Variants in ASPG observed in about 807,000 individuals in gnomAD.
ASPG encodes asparaginase, also known as 60 kDa lysophospholipase.
A neutral mutation model predicts 63.2 loss-of-function variants in ASPG; 53 were observed. The ratio of observed to expected loss-of-function variants is 0.84; its 90% CI spans 0.67 to 1.05. ASPG has a LOEUF of 1.05. Ranked by LOEUF, ASPG falls within the 50% of genes least tolerant of loss-of-function variation. The pLI is 0.00. For missense variants in ASPG, 741 were observed against 794.4 expected (o/e 0.93, Z 0.81); for synonymous variants, 370 against 355.0 (o/e 1.04, Z -0.48).
chr14:104,095,721 C>T, intron 4 of ASPG, 65 bp downstream of exon 4: 1 of 1,597,678 alleles, frequency 6.3e-7, no homozygotes, highest in East Asian at 2.2e-5. Context: ...CAAGTCAGCG[C>T]TGTGGGCGGC....
At position 104,112,842 on chromosome 14, in the gene ASPG, C is replaced by T. The variant is rs976930486; in HGVS notation, c.*298C>T. 18 of 504,212 alleles carry T rather than the reference C, an allele frequency of 3.6e-5. No individual in the cohort carries two copies. Among genetic ancestry groups the T allele is most frequent in the African/African-American group, 5.8e-5 (3 of 51,442 alleles). 31.2% of individuals were successfully genotyped at this position (504,212 alleles called of 1,614,324 possible). A position where few individuals can be genotyped will look rare whatever the true frequency, so the allele number is the denominator to read the frequency against. ...GCCCATCCTTCCGGGGGCAGCTGTG[C>T]GTGTGAGCTGGGCAGGGTGGGGTGC... is the stretch of plus-strand genomic sequence containing the variant. On this transcript the variant is annotated 3_prime_UTR_variant, in exon 16 of 16. Transcript: ENST00000551177.
Position 104,098,995 on chromosome 14 carries a change from G to T in ASPG, c.640+16G>T. Reference sequence around the variant, plus strand: ...GACATCACAAGTAAGCCCCGCAGGAGCAGGGCCAGGTGCCTGCCCAGTGCT... The same window carrying T: ...GACATCACAAGTAAGCCCCGCAGGATCAGGGCCAGGTGCCTGCCCAGTGCT... On this transcript the variant is annotated intron_variant, in intron 6 of 15. Coordinates refer to ENST00000551177, the MANE Select transcript of ASPG (RefSeq NM_001080464.3). The T allele has an allele frequency of 6.4e-7, 1 of 1,572,550 alleles. No homozygotes were observed. The highest frequency in any genetic ancestry group is 8.6e-7 in the Non-Finnish European group (1 of 1,158,272).
intron 11 of ASPG, 92 bp from the exon 12 acceptor site, chr14:104,107,090 G>A: frequency 1.4e-6 from 2 of 1,465,516 alleles, no homozygotes; most frequent in Non-Finnish European, 1.8e-6. Flanking sequence ...GCTGTGCTGG[G>A]CCCTACCCTC....
chr14:104,093,746 A>T, intron 3 of ASPG, 144 bp downstream of exon 3: 9 of 119,522 alleles, frequency 7.5e-5, no homozygotes, highest in Non-Finnish European at 9.9e-5. Flanking sequence ...ACGGGTGGGA[A>T]TGGGGAGTGT....
intron 6 of ASPG, 70 bp from the exon 7 acceptor site, chr14:104,103,493 C>G (rs2036973523): frequency 7.3e-7 from 1 of 1,373,972 alleles, no homozygotes; most frequent in Non-Finnish European, 1.0e-6. Flanking sequence ...TGCAGAGGGC[C>G]AGGCACTGGG....
chr14:104,098,431 C>G (rs2036723457), intron 5 of ASPG, among the ~76,000 whole-genome samples: 1 of 152,206 alleles, frequency 6.6e-6, no homozygotes, highest in African/African-American at 2.4e-5. Context: ...CACACGGGCT[C>G]CTGAGCAGGG....
rs1037660073 is a variant in ASPG at position 104,092,846 on chromosome 14, C to T, written c.191+105C>T. The T allele has an allele frequency of 3.2e-6, 3 of 936,748 alleles. No individual in the cohort carries two copies. In the African/African-American group the frequency reaches 4.9e-5, roughly 15 times the overall value. The allele number at this position is 936,748 out of a possible 1,614,324, so 58.0% of individuals were successfully genotyped here. On this transcript the variant is annotated intron_variant, in intron 2 of 15. Coordinates refer to ENST00000551177, the MANE Select transcript of ASPG (RefSeq NM_001080464.3). ...AGGCCCACGTGAGCCATTTGCTCAC[C>T]CCTGTCTCTAACATCCCCTCAGCTT... is the stretch of plus-strand genomic sequence containing the variant.
Position 104,114,422 on chromosome 14 carries a change from TCCCCTCCAAAC to T in ASPG, c.*1881_*1891del. The T allele has an allele frequency of 6.6e-6, 1 of 152,220 alleles. No individual in the cohort carries two copies. 9.4% of individuals were successfully genotyped at this position (152,220 alleles called of 1,614,324 possible). ...TGGGCAGCCAGACCCCCATTGTCAG[TCCCCTCCAAAC>T]CCTCGTGGGATGTAGGGCCCTACCA... On this transcript the variant is annotated 3_prime_UTR_variant, in exon 16 of 16. Transcript: ENST00000551177.
rs139472533 is a variant in ASPG, at chr14:104,091,458, C to T, written c.83-1175C>T. Among the ~76,000 whole-genome samples, 29 of 152,280 alleles carry T rather than the reference C, an allele frequency of 1.9e-4. No homozygotes were observed. In the South Asian group the frequency reaches 5.6e-3, roughly 29 times the overall value. On this transcript the variant is annotated intron_variant, in intron 1 of 15. Transcript: ENST00000551177. The surrounding 1 kb of genome is among the most constrained non-coding windows in gnomAD (Gnocchi z 6.4). ...ATTTTGTCAGCGGCTGCACCTCAGC[C>T]GGCCTGCATCTTCCAGTCCTCTGGC...
At position 104,109,544 on chromosome 14, in the gene ASPG, A is replaced by G. The variant is rs1172688871; in HGVS notation, c.1520+229A>G. ...TTCTCAGCTGAGCGAACAGTCCAGCAAGGGTGTCTCTGTGTGCACATGTGT... is the reference window on the plus strand; with the variant it reads ...TTCTCAGCTGAGCGAACAGTCCAGCGAGGGTGTCTCTGTGTGCACATGTGT... On this transcript the variant is annotated intron_variant, in intron 13 of 15. Coordinates refer to ENST00000551177, the MANE Select transcript of ASPG (RefSeq NM_001080464.3). This position sits in a 1 kb window ranked among gnomAD's most constrained non-coding sequence, Gnocchi z 4.8. Among the ~76,000 whole-genome samples the G allele has an allele frequency of 6.6e-6, 1 of 151,920 alleles. No homozygotes were observed. Among genetic ancestry groups the G allele is most frequent in the Non-Finnish European group, 1.5e-5 (1 of 67,980 alleles).
chr14:104,092,635 C>G lies in ASPG; in HGVS notation c.85C>G (p.Leu29Val). ...TIGMRSELGV[L>V]VPGTGLAAIL... ...ATCCACCTGGACTCTGCCTGCAGTG[C>G]TTGTGCCCGGGACGGGCCTGGCTGC... Residue 29 changes from leucine (L) to valine (V), a missense_variant and splice_region_variant, in exon 2 of 16, where the codon CTT becomes GTT. By Grantham distance (32) the Leu-to-Val change is conservative. Coordinates refer to ENST00000551177, the MANE Select transcript of ASPG (RefSeq NM_001080464.3). 1 of 1,535,154 alleles carries G rather than the reference C, an allele frequency of 6.5e-7. No homozygotes were observed. Among genetic ancestry groups the G allele is most frequent in the Non-Finnish European group, 8.7e-7 (1 of 1,146,812 alleles).
In ASPG at chr14:104,091,380, CAT is replaced by C. The variant is rs373608265; in HGVS notation, c.83-1252_83-1251del. Among the ~76,000 whole-genome samples, 68 of 152,276 alleles carry C rather than the reference CAT, an allele frequency of 4.5e-4. No homozygotes were observed. The highest frequency in any genetic ancestry group is 1.8e-3 in the Admixed American group (28 of 15,300). On this transcript the variant is annotated intron_variant, in intron 1 of 15. Transcript: ENST00000551177. The surrounding 1 kb of genome is among the most constrained non-coding windows in gnomAD (Gnocchi z 6.4). ...CTCGGAGGGCAGACGGGCAGACAAA[CAT>C]GTGCGGGCTCCGCCTCCCCCGTCTG...
chr14:104,096,710 G>C (rs894454355), intron 4 of ASPG, among the ~76,000 whole-genome samples: 2 of 152,210 alleles, frequency 1.3e-5, no homozygotes, highest in African/African-American at 2.4e-5. Flanking sequence ...GTTGGCCTGT[G>C]CCGGGACATC....
chr14:104,104,064 G>C (rs1311630790), intron 7 of ASPG, among the ~76,000 whole-genome samples: 1 of 152,212 alleles, frequency 6.6e-6, no homozygotes, highest in Non-Finnish European at 1.5e-5. Flanking sequence ...ACGGCGTTCT[G>C]CCACACAAAG....
In ASPG at chr14:104,095,513, C is replaced by A. The variant is rs201350054; in HGVS notation, c.304-18C>A. On this transcript the variant is annotated intron_variant, in intron 3 of 15. Coordinates refer to ENST00000551177, the MANE Select transcript of ASPG (RefSeq NM_001080464.3). ...CTTGCGAGGGGCTGGCCTGCCTGAG[C>A]ATGCGCCCCTCCTGCAGAGGCACTA... The A allele has an allele frequency of 6.2e-7, 1 of 1,612,270 alleles. No individual in the cohort carries two copies. The highest frequency in any genetic ancestry group is 2.2e-5 in the East Asian group (1 of 44,874).
chr14:104,109,438 G>A lies in ASPG; in HGVS notation c.1520+123G>A, dbSNP rs1213636277. ...GTGGGGGCTTTCAGAGGCGAGGCCCGCTGACCTCAGTGTGCACCAACCTGG... is the reference window on the plus strand; with the variant it reads ...GTGGGGGCTTTCAGAGGCGAGGCCCACTGACCTCAGTGTGCACCAACCTGG... On this transcript the variant is annotated intron_variant, in intron 13 of 15. Transcript: ENST00000551177. This position sits in a 1 kb window ranked among gnomAD's most constrained non-coding sequence, Gnocchi z 4.8. The A allele has an allele frequency of 7.4e-6, 8 of 1,083,818 alleles. No homozygotes were observed. Among genetic ancestry groups the A allele is most frequent in the Admixed American group, 4.9e-5 (2 of 40,702 alleles). The allele number at this position is 1,083,818 out of a possible 1,614,324, so 67.1% of individuals were successfully genotyped here.
chr14:104,099,096 T>C, intron 6 of ASPG, 117 bp downstream of exon 6: 1 of 1,445,394 alleles, frequency 6.9e-7, no homozygotes, highest in Non-Finnish European at 9.3e-7. Context: ...TGCTTGGTTC[T>C]GACTTGCCCT....
chr14:104,093,651 C>CTA (rs2036455922), intron 3 of ASPG, 49 bp downstream of exon 3: 1 of 812,350 alleles, frequency 1.2e-6, no homozygotes, highest in Admixed American at 5.1e-5. Flanking sequence ...GTGGGTGGGG[C>CTA]TGAGGTGTGT....
Position 104,109,580 on chromosome 14 carries a change from A to G in ASPG, c.1520+265A>G, listed in dbSNP as rs2037298108. Among the ~76,000 whole-genome samples the G allele has an allele frequency of 6.8e-6, 1 of 146,318 alleles. No individual in the cohort carries two copies. The highest frequency in any genetic ancestry group is 1.5e-5 in the Non-Finnish European group (1 of 67,166). ...TGTGTGCACATGTGTGCATGTGTGT[A>G]TGCATGTGTGTGGGTGCATGTGTGT... is the stretch of plus-strand genomic sequence containing the variant. On this transcript the variant is annotated intron_variant, in intron 13 of 15. Coordinates refer to ENST00000551177, the MANE Select transcript of ASPG (RefSeq NM_001080464.3). This position sits in a 1 kb window ranked among gnomAD's most constrained non-coding sequence, Gnocchi z 4.8.
Sources: allele counts gnomAD v4.1 joint callset (sites outside exome capture counted in the v4.1 genomes callset), GRCh38; gene constraint gnomAD v4.1.1; non-coding constraint Gnocchi (gnomAD v3.1); transcripts MANE v1.5; gene names NCBI Gene and HGNC (gene_info 2026-07-23, HGNC 2026-07-21).